The following ERBB4 variants were observed in gnomAD, a reference collection of about 807,000 sequenced individuals.
ERBB4 encodes the protein erb-b2 receptor tyrosine kinase 4.
In ERBB4, 42 loss-of-function variants were observed where a neutral mutation model predicts 158.0. That is an observed-to-expected ratio of 0.27 (90% CI 0.21 to 0.34). ERBB4 has a LOEUF of 0.34. Ranked by LOEUF, ERBB4 falls within the 10% of genes least tolerant of loss-of-function variation. ERBB4 has a pLI of 1.00. For synonymous variants in ERBB4, 583 were observed against 558.7 expected, an observed-to-expected ratio of 1.04 and a Z score of -0.61; for missense variants, 1,333 against 1,624.1, an observed-to-expected ratio of 0.82 and a Z score of 3.08.
chr2:211,436,896 C>T (rs142172073), intron 20 of ERBB4, among the ~76,000 whole-genome samples: 28 of 152,098 alleles, frequency 1.8e-4, no homozygotes, highest in Non-Finnish European at 2.9e-4. Context: ...AATACATCAC[C>T]GACTCAAGAA....
chr2:212,420,111 T>G (rs574204921), intron 1 of ERBB4, among the ~76,000 whole-genome samples: 2 of 152,188 alleles, frequency 1.3e-5, no homozygotes, highest in East Asian at 3.9e-4. Context: ...AAATAGATCA[T>G]TGTGATATGT....
chr2:211,952,621 G>A (rs557093370), intron 2 of ERBB4, among the ~76,000 whole-genome samples: 1 of 152,030 alleles, frequency 6.6e-6, no homozygotes, highest in Non-Finnish European at 1.5e-5. Context: ...TGTCTGCCAG[G>A]CAAAGTTGGA....
intron 7 of ERBB4, among the ~76,000 whole-genome samples, chr2:211,719,686 T>C (rs1291704403): frequency 6.6e-6 from 1 of 151,824 alleles, no homozygotes; most frequent in Non-Finnish European, 1.5e-5. Context: ...AAACCCCGTC[T>C]CTACTAAAAA....
At chr2:212,332,265 C>T (rs2088213919) in intron 1 of ERBB4, among the ~76,000 whole-genome samples, 1 of 152,034 alleles carries the variant, frequency 6.6e-6, no homozygotes, top group African/African-American at 2.4e-5. Flanking sequence ...GGCTCTCATT[C>T]TCTCTCCTGA....
chr2:211,531,292 A>T (rs1316349585), intron 20 of ERBB4, among the ~76,000 whole-genome samples: 2 of 152,142 alleles, frequency 1.3e-5, no homozygotes, highest in Non-Finnish European at 2.9e-5. Flanking sequence ...AAGCACAGGT[A>T]ACCAGAGCAA....
intron 25 of ERBB4, among the ~76,000 whole-genome samples, chr2:211,389,684 G>A (rs1349713007): frequency 1.3e-5 from 2 of 152,116 alleles, no homozygotes; most frequent in Admixed American, 6.5e-5. Context: ...CAGACAGATC[G>A]TTTAATGACC....
At chr2:211,804,895 C>T (rs1171185650) in intron 3 of ERBB4, among the ~76,000 whole-genome samples, 1 of 150,964 alleles carries the variant, frequency 6.6e-6, no homozygotes, top group Admixed American at 6.6e-5. Context: ...TACTTCTGAG[C>T]AGAGGTTACA....
intron 2 of ERBB4, among the ~76,000 whole-genome samples, chr2:212,023,724 A>T (rs2076709834): frequency 6.6e-6 from 1 of 151,944 alleles, no homozygotes; most frequent in African/African-American, 2.4e-5. Context: ...TTTGAAAAAA[A>T]AAAGAAAACA....
chr2:211,897,216 G>A (rs569924654), intron 3 of ERBB4, among the ~76,000 whole-genome samples: 182 of 151,528 alleles, frequency 1.2e-3, no homozygotes, highest in Admixed American at 3.3e-3. Context: ...ATACACCCAC[G>A]CATGCAACTG....
At chr2:211,643,640 G>C (rs1420345772) in intron 16 of ERBB4, among the ~76,000 whole-genome samples, 1 of 151,750 alleles carries the variant, frequency 6.6e-6, no homozygotes, top group Non-Finnish European at 1.5e-5. Flanking sequence ...TTCCTTTCTT[G>C]TTAACACTTA....
chr2:211,766,907 G>A (rs1002316186), intron 4 of ERBB4, among the ~76,000 whole-genome samples: 2 of 152,100 alleles, frequency 1.3e-5, no homozygotes, highest in African/African-American at 2.4e-5. Flanking sequence ...TGGTCATGTC[G>A]GCCTTGTCTT....
At chr2:211,841,605 AT>A (rs1057168161) in intron 3 of ERBB4, among the ~76,000 whole-genome samples, 6 of 151,948 alleles carry the variant, frequency 3.9e-5, no homozygotes, top group African/African-American at 1.4e-4. Context: ...CCTCTGATAC[AT>A]TTCATATATT....
At chr2:212,381,603 G>A (rs1021157043) in intron 1 of ERBB4, among the ~76,000 whole-genome samples, 3 of 151,194 alleles carry the variant, frequency 2.0e-5, no homozygotes, top group African/African-American at 7.3e-5. Flanking sequence ...TGGGCTCTCT[G>A]CCAAGTAATT....
chr2:211,698,926 C>T (rs893423878), intron 12 of ERBB4, among the ~76,000 whole-genome samples: 4 of 152,136 alleles, frequency 2.6e-5, no homozygotes, highest in Admixed American at 6.5e-5. Flanking sequence ...CAGAGTTTCC[C>T]GCAATCTCAA....
chr2:211,775,640 C>T (rs1399712999), intron 4 of ERBB4, among the ~76,000 whole-genome samples: 1 of 152,172 alleles, frequency 6.6e-6, no homozygotes, highest in Non-Finnish European at 1.5e-5. Flanking sequence ...AACTTATCTC[C>T]TCTATAGATG....
intron 1 of ERBB4, among the ~76,000 whole-genome samples, chr2:212,443,346 T>A (rs2105985518): frequency 6.6e-6 from 1 of 152,340 alleles, no homozygotes; most frequent in South Asian, 2.1e-4. Context: ...GGTGAGATGT[T>A]TGCATACCAG....
At chr2:211,642,703 T>C (rs1260446501) in intron 16 of ERBB4, among the ~76,000 whole-genome samples, 1 of 152,136 alleles carries the variant, frequency 6.6e-6, no homozygotes, top group African/African-American at 2.4e-5. Flanking sequence ...AAGTACTAAA[T>C]AGCTGTTACA....
chr2:212,399,925 A>C (rs2091153611), intron 1 of ERBB4, among the ~76,000 whole-genome samples: 1 of 152,022 alleles, frequency 6.6e-6, no homozygotes, highest in South Asian at 2.1e-4. Flanking sequence ...ACAGTATAGT[A>C]TATGAACATC....
chr2:211,585,049 A>C (rs1337447570), intron 19 of ERBB4, among the ~76,000 whole-genome samples: 2 of 152,138 alleles, frequency 1.3e-5, no homozygotes, highest in African/African-American at 4.8e-5. Context: ...AAGAAAGAAT[A>C]ATAAAAAGAC....
Sources: allele counts gnomAD v4.1 joint callset (sites outside exome capture counted in the v4.1 genomes callset), GRCh38; gene constraint gnomAD v4.1.1; transcripts MANE v1.5; gene names NCBI Gene and HGNC (gene_info 2026-07-23, HGNC 2026-07-21).